The following MAP2K5 variants were observed in gnomAD, a reference collection of about 807,000 sequenced individuals.
MAP2K5 encodes the protein dual specificity mitogen-activated protein kinase kinase 5.
MAP2K5 carries 49 observed loss-of-function variants against 83.1 expected under a neutral mutation model. The observed-to-expected ratio is 0.59, with a 90% confidence interval of 0.47 to 0.75. The LOEUF (loss-of-function observed/expected upper bound fraction) is 0.75, where lower values mean the gene tolerates loss of function less well. Among genes scored for constraint, MAP2K5 ranks in the 30% least tolerant of loss-of-function variants. The pLI, the probability that MAP2K5 is intolerant of heterozygous loss-of-function variation, is 0.00. For missense variants in MAP2K5, 457 were observed against 557.5 expected (o/e 0.82, Z 1.82); for synonymous variants, 202 against 191.8 (o/e 1.05, Z -0.44).
chr15:67,624,590 TG>T (rs1285178865), intron 8 of MAP2K5, among the ~76,000 whole-genome samples: 7 of 250 alleles, frequency 0.028, no homozygotes, highest in South Asian at 0.22. Flanking sequence ...ACGATCTCTT[TG>T]TGTGTGTGTG....
intron 3 of MAP2K5, among the ~76,000 whole-genome samples, chr15:67,574,661 G>C (rs2085017051): frequency 6.6e-6 from 1 of 151,158 alleles, no homozygotes; most frequent in African/African-American, 2.4e-5. Context: ...GAAGTAAAGA[G>C]ATCGAGACCA....
At chr15:67,703,302 C>T (rs373538265) in intron 15 of MAP2K5, 35 bp from the exon 16 acceptor site, 28 of 1,501,094 alleles carry the variant, frequency 1.9e-5, no homozygotes, top group African/African-American at 1.2e-4. Flanking sequence ...GAGTAGCATC[C>T]GTCCACTCAC....
At chr15:67,679,982 C>G (rs1369812716) in intron 13 of MAP2K5, 1 of 152,234 alleles carries the variant, frequency 6.6e-6, no homozygotes, top group Non-Finnish European at 1.5e-5. Flanking sequence ...TCACTCCCTG[C>G]TCCTGTCCTC....
In MAP2K5 at chr15:67,716,724, A is replaced by T. The variant is rs549891171; in HGVS notation, c.1045-11192A>T. Among the ~76,000 whole-genome samples, 16 of 152,258 alleles carry T rather than the reference A, an allele frequency of 1.1e-4. No individual in the cohort carries two copies. In the East Asian group the frequency reaches 2.7e-3, roughly 26 times the overall value. ...AGAGGACTGGAATCTGGGTCTTCTG[A>T]TGTGAAATGTAGTGCTCTTTCCTCT... is the stretch of plus-strand genomic sequence containing the variant. On this transcript the variant is annotated intron_variant, in intron 16 of 21. Transcript: ENST00000178640.
chr15:67,649,302 T>C (rs972915994), intron 11 of MAP2K5, among the ~76,000 whole-genome samples: 8 of 152,174 alleles, frequency 5.3e-5, no homozygotes, highest in African/African-American at 1.9e-4. Context: ...TTATCAGATA[T>C]GGGATTTCCA....
In MAP2K5 at chr15:67,748,273, T is replaced by C; in HGVS notation, c.1101+16T>C. ...ATCTTTAATGGTAAGCTTTATGAGT[T>C]CAGAAAAAAATTCACTTTTCTTTTT... On this transcript the variant is annotated intron_variant, in intron 18 of 21. Coordinates refer to ENST00000178640, the MANE Select transcript of MAP2K5 (RefSeq NM_145160.3). This position sits in a 1 kb window ranked among gnomAD's most constrained non-coding sequence, Gnocchi z 4.0. 6.3e-7 allele frequency: 1 copy of C among 1,599,460 alleles called. No homozygotes were observed. The highest frequency in any genetic ancestry group is 8.6e-7 in the Non-Finnish European group (1 of 1,168,174).
intron 8 of MAP2K5, among the ~76,000 whole-genome samples, chr15:67,611,116 A>G (rs1427789974): frequency 2.0e-5 from 3 of 152,230 alleles, no homozygotes; most frequent in African/African-American, 4.8e-5. Context: ...TAGCAGCAAA[A>G]TGTATCAATA....
intron 15 of MAP2K5, among the ~76,000 whole-genome samples, chr15:67,701,053 G>A (rs1248339658): frequency 6.6e-6 from 1 of 151,866 alleles, no homozygotes; most frequent in Non-Finnish European, 1.5e-5. Context: ...CAAATATTTT[G>A]TATGTGGGTT....
intron 1 of MAP2K5, chr15:67,546,681 C>T: frequency 1.1e-6 from 1 of 892,576 alleles, no homozygotes; most frequent in Non-Finnish European, 1.3e-6. Context: ...TACAAGAGGT[C>T]TGGTTAGTGT....
At chr15:67,603,957 G>A (rs570561638) in intron 8 of MAP2K5, among the ~76,000 whole-genome samples, 12 of 152,312 alleles carry the variant, frequency 7.9e-5, no homozygotes, top group Admixed American at 3.9e-4. Flanking sequence ...AAGCTAATAA[G>A]TGCAAAGCAA....
intron 7 of MAP2K5, among the ~76,000 whole-genome samples, chr15:67,595,436 A>G (rs902723264): frequency 1.3e-5 from 2 of 152,226 alleles, no homozygotes; most frequent in African/African-American, 2.4e-5. Context: ...TTGTGAAGCA[A>G]AGGTCTAGTG....
chr15:67,625,287 G>GTAAA (rs2086292072), intron 8 of MAP2K5, among the ~76,000 whole-genome samples: 1 of 152,138 alleles, frequency 6.6e-6, no homozygotes. Context: ...TTTTGCCATG[G>GTAAA]TAAAGTGTAT....
intron 19 of MAP2K5, among the ~76,000 whole-genome samples, chr15:67,763,105 C>T (rs1215242146): frequency 6.6e-6 from 1 of 152,140 alleles, no homozygotes; most frequent in East Asian, 1.9e-4. Flanking sequence ...TTCTGTTCTG[C>T]AGCTGAGCGG....
At chr15:67,553,041 C>CATA (rs1271452862) in intron 2 of MAP2K5, among the ~76,000 whole-genome samples, 2 of 151,998 alleles carry the variant, frequency 1.3e-5, no homozygotes, top group African/African-American at 2.4e-5. Context: ...AGTTAGGGTT[C>CATA]ATAATAATAA....
rs929428158 is a variant in MAP2K5, at chr15:67,677,903, G to A, written c.847+13258G>A. 2.0e-5 allele frequency among the ~76,000 whole-genome samples: 3 copies of A among 152,192 alleles called. No homozygotes were observed. Among genetic ancestry groups the A allele is most frequent in the South Asian group, 2.1e-4 (1 of 4,826 alleles). On this transcript the variant is annotated intron_variant, in intron 13 of 21. Coordinates refer to ENST00000178640, the MANE Select transcript of MAP2K5 (RefSeq NM_145160.3). The surrounding 1 kb of genome is among the most constrained non-coding windows in gnomAD (Gnocchi z 4.2). ...ACGTTTGTTGCCTCCATTCTGAACCGAATCATGAGACTCCAGGCAATAACT... is the reference window on the plus strand; with the variant it reads ...ACGTTTGTTGCCTCCATTCTGAACCAAATCATGAGACTCCAGGCAATAACT...
At chr15:67,659,849 T>A (rs900498305) in intron 12 of MAP2K5, among the ~76,000 whole-genome samples, 3 of 152,160 alleles carry the variant, frequency 2.0e-5, no homozygotes, top group African/African-American at 7.2e-5. Flanking sequence ...CTGAACTTCA[T>A]AAATCTTACT....
chr15:67,628,401 AC>A, intron 8 of MAP2K5: 1 of 540,358 alleles, frequency 1.9e-6, no homozygotes, highest in Non-Finnish European at 3.2e-6. Flanking sequence ...CATTGCTTGA[AC>A]CCAGGAGGCA....
rs527246550 is a variant in MAP2K5 at position 67,779,059 on chromosome 15, T to C, written c.1242+6307T>C. ...TAAACATCATTTTGTTTTCAGTTGT[T>C]CATTTGGAAGTAGCTCATTAGCTAT... On this transcript the variant is annotated intron_variant, in intron 21 of 21. Transcript: ENST00000178640. This position sits in a 1 kb window ranked among gnomAD's most constrained non-coding sequence, Gnocchi z 4.6. Among the ~76,000 whole-genome samples the C allele has an allele frequency of 6.6e-6, 1 of 152,338 alleles. No individual in the cohort carries two copies. Among genetic ancestry groups the C allele is most frequent in the African/African-American group, 2.4e-5 (1 of 41,568 alleles).
chr15:67,664,870 C>T (rs916256869), intron 13 of MAP2K5, among the ~76,000 whole-genome samples: 1 of 152,110 alleles, frequency 6.6e-6, no homozygotes, highest in African/African-American at 2.4e-5. Context: ...CTTTGTCAAA[C>T]TTGTAAAAAG....
Sources: allele counts gnomAD v4.1 joint callset (sites outside exome capture counted in the v4.1 genomes callset), GRCh38; gene constraint gnomAD v4.1.1; non-coding constraint Gnocchi (gnomAD v3.1); transcripts MANE v1.5; gene names NCBI Gene and HGNC (gene_info 2026-07-23, HGNC 2026-07-21).